The following ITGA2B variants were observed in gnomAD, a reference collection of about 807,000 sequenced individuals.
ITGA2B encodes the protein integrin subunit alpha 2b, also known as integrin alpha-IIb.
A neutral mutation model predicts 142.0 loss-of-function variants in ITGA2B; 91 were observed. That is an observed-to-expected ratio of 0.64 (90% CI 0.54 to 0.76). ITGA2B has a LOEUF of 0.76. ITGA2B is among the 30% of genes least tolerant of loss of function. The probability of loss-of-function intolerance (pLI) is 0.00; values close to 1 mark genes in which losing one functional copy is unlikely to be tolerated. For synonymous variants in ITGA2B, 536 were observed against 567.2 expected (o/e 0.94, Z 0.78); for missense variants, 1,231 against 1,350.8 (o/e 0.91, Z 1.39).
chr17:44,374,776 T>A lies in ITGA2B; in HGVS notation c.2842-16A>T. 1 of 1,608,834 alleles carries A rather than the reference T, an allele frequency of 6.2e-7. No homozygotes were observed. Among genetic ancestry groups the A allele is most frequent in the Non-Finnish European group, 8.5e-7 (1 of 1,175,518 alleles). On this transcript the variant is annotated splice_polypyrimidine_tract_variant and intron_variant, in intron 27 of 29. Transcript: ENST00000262407. ...CCAGAGGCCTCTGGACAGGTTGGGG[T>A]TGAAAGCCGTTTACACCCACAAGAG...
At position 44,381,040 on chromosome 17, in the gene ITGA2B, T is replaced by C. The variant is rs373586333; in HGVS notation, c.1232A>G (p.Tyr411Cys). 8.9e-5 allele frequency: 143 copies of C among 1,613,292 alleles called. No homozygotes were observed. The highest frequency in any genetic ancestry group is 1.2e-4 in the Non-Finnish European group (138 of 1,179,670). ...GYNDIAVAAPYGGPSGRGQVL... is the reference protein window; with the variant it reads ...GYNDIAVAAPCGGPSGRGQVL... ...TTGGCCCCGGCCACTGGGACCCCCG[T>C]AGGGGGCAGCCACTGCAATGTCTGG... Residue 411 changes from tyrosine (Y) to cysteine (C), a missense_variant, in exon 13 of 30, where the codon TAC becomes TGC. Tyr to Cys is a radical substitution (Grantham distance 194). This residue lies in a region of ITGA2B where 908 missense variants were observed against 1,021.1 expected (regional missense o/e 0.89). Coordinates refer to ENST00000262407, the MANE Select transcript of ITGA2B (RefSeq NM_000419.5).
At chr17:44,383,760 G>T in intron 11 of ITGA2B, 56 bp from the exon 12 acceptor site, 1 of 1,550,872 alleles carries the variant, frequency 6.4e-7, no homozygotes, top group Non-Finnish European at 8.7e-7. Context: ...TTGGGGCTAG[G>T]GCCAAATCTC....
Position 44,381,398 on chromosome 17 carries a change from C to T in ITGA2B, c.1211-337G>A, listed in dbSNP as rs568844810. Among the ~76,000 whole-genome samples, 51 of 150,286 alleles carry T rather than the reference C, an allele frequency of 3.4e-4. 1 individual carries two copies. In the South Asian group the frequency reaches 8.4e-3, roughly 25 times the overall value. On this transcript the variant is annotated intron_variant, in intron 12 of 29. Transcript: ENST00000262407. ...TGGCTGGAGTGCAGTGGTGCGATCT[C>T]GGCTCACTGCAACCTCTGCCTCCCC...
intron 18 of ITGA2B, among the ~76,000 whole-genome samples, chr17:44,379,465 G>A (rs971495005): frequency 2.0e-5 from 3 of 151,794 alleles, no homozygotes; most frequent in African/African-American, 7.3e-5. Flanking sequence ...TGTTGGCCAG[G>A]TTGGTCTCTA....
At chr17:44,386,180 G>A (rs1351454665) in intron 1 of ITGA2B, 49 bp from the exon 2 acceptor site, 3 of 1,547,950 alleles carry the variant, frequency 1.9e-6, no homozygotes, top group Non-Finnish European at 2.6e-6. Context: ...GCGTATCCCA[G>A]GCCCTGGCGC....
rs377406210 is a variant in ITGA2B at position 44,383,719 on chromosome 17, A to G, written c.999-15T>C. ...GATCATGCCTCCTGTGGGCCAGATG[A>G]GTGGTTACATGGGACTGGACCAGGG... is the stretch of plus-strand genomic sequence containing the variant. On this transcript the variant is annotated splice_polypyrimidine_tract_variant and intron_variant, in intron 11 of 29. Transcript: ENST00000262407. The G allele has an allele frequency of 1.3e-6, 2 of 1,564,678 alleles. No homozygotes were observed. The highest frequency in any genetic ancestry group is 2.7e-5 in the African/African-American group (2 of 73,622).
At position 44,384,984 on chromosome 17, in the gene ITGA2B, C is replaced by T; in HGVS notation, c.763G>A (p.Asp255Asn). Reference sequence around the variant, plus strand: ...TCGAAGTACTCTGGGTTGCTGGAGTCAAAGGAGAGGCTCTGGGAGGACACG... The same window carrying T: ...TCGAAGTACTCTGGGTTGCTGGAGTTAAAGGAGAGGCTCTGGGAGGACACG... ...WHVSSQSLSFDSSNPEYFDGY... is the reference protein window; with the variant it reads ...WHVSSQSLSFNSSNPEYFDGY... Residue 255 changes from aspartate (D) to asparagine (N), a missense_variant, in exon 7 of 30, where the codon GAC becomes AAC. Physicochemically the swap from Asp to Asn is conservative, Grantham distance 23 (BLOSUM62 1). Coordinates refer to ENST00000262407, the MANE Select transcript of ITGA2B (RefSeq NM_000419.5). 1.2e-6 allele frequency: 2 copies of T among 1,614,022 alleles called. No homozygotes were observed. Among genetic ancestry groups the T allele is most frequent in the Non-Finnish European group, 1.7e-6 (2 of 1,179,994 alleles).
At chr17:44,381,341 T>G (rs185308714) in intron 12 of ITGA2B, among the ~76,000 whole-genome samples, 1 of 152,256 alleles carries the variant, frequency 6.6e-6, no homozygotes, top group East Asian at 1.9e-4. Flanking sequence ...TAAATTTTTT[T>G]TTTTTTGAGA....
At position 44,385,180 on chromosome 17, in the gene ITGA2B, G is replaced by T. The variant is rs764928975; in HGVS notation, c.654C>A (p.Gly218=). The stretch of plus-strand genomic sequence containing the variant: ...GGCACGTACCTAAGAAATAATAGCC[G>T]CCAGGAGCCCCAAGCACCAGCTCTC... ...QAGELVLGAP[G]GYYFLGLLAQ... is the part of the protein sequence containing the mutation. The change falls in exon 6 of 30, where the codon GGC becomes GGA. Residue 218 remains glycine (G), a synonymous_variant. Transcript: ENST00000262407. The T allele has an allele frequency of 1.9e-6, 3 of 1,614,024 alleles. No homozygotes were observed. Among genetic ancestry groups the T allele is most frequent in the Non-Finnish European group, 2.5e-6 (3 of 1,180,004 alleles).
At position 44,386,268 on chromosome 17, in the gene ITGA2B, C is replaced by A. The variant is rs577418671; in HGVS notation, c.189-137G>T. ...TCTTTCCTCAATGACACCTCACAGA[C>A]CACCGTGATGTACTTCTTCATCTTA... On this transcript the variant is annotated intron_variant, in intron 1 of 29. Coordinates refer to ENST00000262407, the MANE Select transcript of ITGA2B (RefSeq NM_000419.5). The A allele has an allele frequency of 1.9e-5, 25 of 1,311,680 alleles. No individual in the cohort carries two copies. The African/African-American group carries it at 3.1e-4, about 16-fold the overall frequency. 81.3% of individuals were successfully genotyped at this position (1,311,680 alleles called of 1,614,324 possible). A position where few individuals can be genotyped will look rare whatever the true frequency, so the allele number is the denominator to read the frequency against.
chr17:44,372,379 A>T lies in ITGA2B; in HGVS notation c.3105T>A (p.Asp1035Glu), dbSNP rs2048504649. 6.2e-7 allele frequency: 1 copy of T among 1,613,962 alleles called. No individual in the cohort carries two copies. Among genetic ancestry groups the T allele is most frequent in the African/African-American group, 1.3e-5 (1 of 74,944 alleles). The change falls in exon 30 of 30, where the codon GAT becomes GAA. Residue 1035 changes from aspartate to glutamate, a missense_variant. Transcript: ENST00000262407. ...GGCTGCACCATCACTCCCCCTCTTC[A>T]TCATCTTCTTCCAGGGGTGGCCGGT... Reference protein sequence around the residue: ...KRNRPPLEEDDEEGE With the variant: ...KRNRPPLEEDEEEGE
intron 18 of ITGA2B, among the ~76,000 whole-genome samples, chr17:44,379,469 G>A (rs762911019): frequency 1.3e-5 from 2 of 151,568 alleles, no homozygotes; most frequent in Non-Finnish European, 2.9e-5. Context: ...GGCCAGGTTG[G>A]TCTCTAACTC....
At position 44,376,400 on chromosome 17, in the gene ITGA2B, G is replaced by A. The variant is rs762654815; in HGVS notation, c.2268-12C>T. The A allele has an allele frequency of 1.9e-6, 3 of 1,614,038 alleles. No individual in the cohort carries two copies. Among genetic ancestry groups the A allele is most frequent in the Non-Finnish European group, 2.5e-6 (3 of 1,179,938 alleles). ...TCTGGCTGTTCTTGCTAGAGGGGAG[G>A]GGATGAGGAGAAACAGGGCCAGGGA... On this transcript the variant is annotated splice_polypyrimidine_tract_variant and intron_variant, in intron 22 of 29. Coordinates refer to ENST00000262407, the MANE Select transcript of ITGA2B (RefSeq NM_000419.5).
chr17:44,376,293 C>T lies in ITGA2B; in HGVS notation c.2348+15G>A, dbSNP rs200571001. On this transcript the variant is annotated intron_variant, in intron 23 of 29. Coordinates refer to ENST00000262407, the MANE Select transcript of ITGA2B (RefSeq NM_000419.5). ...CCCTGAATGCCATCTCCCTTCTCCA[C>T]CCCTGGCCTCTCACCCTCGCAGCTC... The T allele has an allele frequency of 2.9e-4, 462 of 1,614,018 alleles. No individual in the cohort carries two copies. The highest frequency in any genetic ancestry group is 3.7e-4 in the Non-Finnish European group (441 of 1,179,990).
chr17:44,383,907 CGTCA>C lies in ITGA2B; in HGVS notation c.981_984del (p.Asp328SerfsTer50). ...GTCCCTCCTCACCCATCCCCGTTGACGTCAGTGACAGCCACTGAATGCCCAAAAT... is the reference window on the plus strand; with the variant it reads ...GTCCCTCCTCACCCATCCCCGTTGACGTGACAGCCACTGAATGCCCAAAAT... On this transcript the variant is annotated frameshift_variant, in exon 11 of 30. Coordinates refer to ENST00000262407, the MANE Select transcript of ITGA2B (RefSeq NM_000419.5). 1 of 1,613,868 alleles carries C rather than the reference CGTCA, an allele frequency of 6.2e-7. No individual in the cohort carries two copies. Among genetic ancestry groups the C allele is most frequent in the Non-Finnish European group, 8.5e-7 (1 of 1,179,962 alleles).
rs1567897499 is a variant in ITGA2B, at chr17:44,374,644, T to C, written c.2943+15A>G. 1 of 1,603,024 alleles carries C rather than the reference T, an allele frequency of 6.2e-7. No homozygotes were observed. ...TCCTGCAGGACTGGTCTCTGCTCCATCCCCCCACACTCACCTGAGCTTCCC... is the reference window on the plus strand; with the variant it reads ...TCCTGCAGGACTGGTCTCTGCTCCACCCCCCCACACTCACCTGAGCTTCCC... On this transcript the variant is annotated intron_variant, in intron 28 of 29. Transcript: ENST00000262407.
intron 18 of ITGA2B, among the ~76,000 whole-genome samples, chr17:44,379,480 C>G (rs893729060): frequency 6.6e-6 from 1 of 151,868 alleles, no homozygotes; most frequent in Non-Finnish European, 1.5e-5. Flanking sequence ...TCTCTAACTC[C>G]TGACCTCAGG....
intron 22 of ITGA2B, 46 bp from the exon 23 acceptor site, chr17:44,376,434 C>CAGAA: frequency 6.3e-7 from 1 of 1,593,224 alleles, no homozygotes. Context: ...GACACCAGCC[C>CAGAA]AGTGACTTTC....
In ITGA2B at chr17:44,383,924, G is replaced by T; in HGVS notation, c.968C>A (p.Ser323Ter). Residue 323 changes from serine (S) to a stop codon, truncating the protein, a stop_gained, in exon 11 of 30, where the codon TCA (serine) becomes TAA (stop). Coordinates refer to ENST00000262407, the MANE Select transcript of ITGA2B (RefSeq NM_000419.5). LOFTEE classifies it high-confidence loss of function. ...GEQMASYFGH[S>*]VAVTDVNGDG... ...CCCGTTGACGTCAGTGACAGCCACT[G>T]AATGCCCAAAATACGACGCCATCTG... 1 of 1,614,034 alleles carries T rather than the reference G, an allele frequency of 6.2e-7. No individual in the cohort carries two copies. Among genetic ancestry groups the T allele is most frequent in the Non-Finnish European group, 8.5e-7 (1 of 1,180,012 alleles).
Sources: allele counts gnomAD v4.1 joint callset (sites outside exome capture counted in the v4.1 genomes callset), GRCh38; gene constraint gnomAD v4.1.1; regional missense constraint gnomAD v4.1.1; transcripts MANE v1.5; gene names NCBI Gene and HGNC (gene_info 2026-07-23, HGNC 2026-07-21).